The following SUCLG2 variants were observed in gnomAD, a reference collection of about 807,000 sequenced individuals.
The protein encoded by SUCLG2 is succinate--CoA ligase [GDP-forming] subunit beta, mitochondrial.
In SUCLG2, 42 loss-of-function variants were observed where a neutral mutation model predicts 47.9. The observed-to-expected ratio is 0.88, with a 90% CI of 0.69 to 1.14. SUCLG2 has a LOEUF of 1.14. Among genes scored for constraint, SUCLG2 ranks in the 50% most tolerant of loss-of-function variants. The probability of loss-of-function intolerance (pLI) is 0.00; values close to 1 mark genes in which losing one functional copy is unlikely to be tolerated. For missense variants in SUCLG2, 571 were observed against 525.9 expected (o/e 1.09, Z -0.84); for synonymous variants, 195 against 197.3 (o/e 0.99, Z 0.10).
At chr3:67,556,701 A>C (rs1329402948) in intron 2 of SUCLG2, among the ~76,000 whole-genome samples, 3 of 152,054 alleles carry the variant, frequency 2.0e-5, no homozygotes, top group Non-Finnish European at 4.4e-5. Flanking sequence ...CTATAACACC[A>C]TTATCTCCTT....
intron 9 of SUCLG2, among the ~76,000 whole-genome samples, chr3:67,466,558 T>C (rs991260885): frequency 1.3e-5 from 2 of 152,208 alleles, no homozygotes; most frequent in African/African-American, 4.8e-5. Flanking sequence ...TGAGGGAAGC[T>C]TAATCTGATG....
intron 10 of SUCLG2, among the ~76,000 whole-genome samples, chr3:67,392,319 G>C (rs956773992): frequency 1.3e-5 from 2 of 152,096 alleles, no homozygotes; most frequent in Non-Finnish European, 2.9e-5. Context: ...TTCATCATCA[G>C]CTTAAACCCA....
intron 2 of SUCLG2, among the ~76,000 whole-genome samples, chr3:67,587,225 T>C (rs1474887591): frequency 6.6e-6 from 1 of 152,198 alleles, no homozygotes; most frequent in Non-Finnish European, 1.5e-5. Flanking sequence ...GACACTCGGC[T>C]CTGTTTGCCT....
intron 9 of SUCLG2, among the ~76,000 whole-genome samples, chr3:67,432,180 A>G (rs1703501073): frequency 6.6e-6 from 1 of 152,220 alleles, no homozygotes; most frequent in Non-Finnish European, 1.5e-5. Context: ...GGCAGATGAC[A>G]ACCAGCATCT....
At chr3:67,585,255 GC>G (rs772376012) in intron 2 of SUCLG2, among the ~76,000 whole-genome samples, 1 of 152,026 alleles carries the variant, frequency 6.6e-6, no homozygotes, top group Non-Finnish European at 1.5e-5. Flanking sequence ...GAACATTCCT[GC>G]CTCAGGAACT....
intron 1 of SUCLG2, among the ~76,000 whole-genome samples, chr3:67,627,338 T>C (rs1032052828): frequency 2.6e-5 from 4 of 152,202 alleles, no homozygotes; most frequent in African/African-American, 9.7e-5. Flanking sequence ...CAACTAACCA[T>C]ACACCATATA....
rs558592908 is a variant in SUCLG2 at position 67,428,987 on chromosome 3, A to G, written c.1063-28136T>C. Among the ~76,000 whole-genome samples the G allele has an allele frequency of 9.0e-3, 1,375 of 152,334 alleles. 11 individuals are homozygous for G. Among genetic ancestry groups the G allele is most frequent in the Non-Finnish European group, 0.015 (1,003 of 68,022 alleles). On this transcript the variant is annotated intron_variant, in intron 9 of 10. Coordinates refer to ENST00000307227, the MANE Select transcript of SUCLG2 (RefSeq NM_003848.4). ...AATCTATGTCTGATTGGTGTACCTGAAAGTGACAGGGAGAATGGAACCAAG... is the reference window on the plus strand; with the variant it reads ...AATCTATGTCTGATTGGTGTACCTGGAAGTGACAGGGAGAATGGAACCAAG...
At chr3:67,507,792 T>G (rs775650668) in intron 7 of SUCLG2, among the ~76,000 whole-genome samples, 4 of 152,228 alleles carry the variant, frequency 2.6e-5, no homozygotes, top group Non-Finnish European at 5.9e-5. Flanking sequence ...TACTATTTAC[T>G]GACTGTAACA....
intron 1 of SUCLG2, among the ~76,000 whole-genome samples, chr3:67,636,423 G>T (rs754532755): frequency 6.6e-6 from 1 of 151,672 alleles, no homozygotes; most frequent in Non-Finnish European, 1.5e-5. Context: ...CAGGATCTCG[G>T]CTCACTGCAA....
At position 67,501,150 on chromosome 3, in the gene SUCLG2, T is replaced by C. The variant is rs116126410; in HGVS notation, c.758-2855A>G. On this transcript the variant is annotated intron_variant, in intron 7 of 10. Coordinates refer to ENST00000307227, the MANE Select transcript of SUCLG2 (RefSeq NM_003848.4). ...TTGTAGAGAAAACTAAACAACCTAA[T>C]TGGATCATTGCATGTATGTCTAAGT... 2.6e-3 allele frequency among the ~76,000 whole-genome samples: 394 copies of C among 152,256 alleles called. 1 individual carries two copies. The highest frequency in any genetic ancestry group is 3.7e-3 in the Non-Finnish European group (255 of 68,020).
chr3:67,463,236 A>C (rs1371621329), intron 9 of SUCLG2, among the ~76,000 whole-genome samples: 3 of 152,214 alleles, frequency 2.0e-5, no homozygotes, highest in Admixed American at 1.3e-4. Context: ...ACAGAAATAC[A>C]CTGACACAGA....
At chr3:67,364,034 G>T (rs755967213) in intron 10 of SUCLG2, among the ~76,000 whole-genome samples, 3 of 152,178 alleles carry the variant, frequency 2.0e-5, no homozygotes, top group Non-Finnish European at 2.9e-5. Context: ...ACAAAAGCCT[G>T]TTGTCTGTAG....
intron 2 of SUCLG2, among the ~76,000 whole-genome samples, chr3:67,596,036 G>A (rs1284869943): frequency 1.3e-5 from 2 of 152,214 alleles, no homozygotes; most frequent in Non-Finnish European, 2.9e-5. Flanking sequence ...TTGGCATTCT[G>A]GTGTATACAT....
intron 9 of SUCLG2, among the ~76,000 whole-genome samples, chr3:67,414,332 T>G (rs1007413544): frequency 1.3e-5 from 2 of 152,254 alleles, no homozygotes; most frequent in African/African-American, 4.8e-5. Flanking sequence ...AGTTTCATGT[T>G]ACAGTTCCAA....
chr3:67,408,280 A>G (rs1385749751), intron 9 of SUCLG2, among the ~76,000 whole-genome samples: 1 of 152,170 alleles, frequency 6.6e-6, no homozygotes, highest in East Asian at 1.9e-4. Context: ...CTGACATGTG[A>G]AAAACAGCAT....
At chr3:67,373,883 C>T (rs544898552), downstream of SUCLG2, among the ~76,000 whole-genome samples, 3 of 152,080 alleles carry the variant, frequency 2.0e-5, no homozygotes, top group Admixed American at 2.0e-4. Context: ...AGACAAGCTA[C>T]GCTAAGGATG....
At chr3:67,464,349 C>T (rs7640284) in intron 9 of SUCLG2, among the ~76,000 whole-genome samples, 21,667 of 152,174 alleles carry the variant, frequency 0.14, 2,022 homozygotes, top group African/African-American at 0.26. Context: ...ATTTTACAAG[C>T]GTGTGTATGC....
chr3:67,636,004 T>TC (rs1289235890), intron 1 of SUCLG2, among the ~76,000 whole-genome samples: 1 of 152,200 alleles, frequency 6.6e-6, no homozygotes, highest in Non-Finnish European at 1.5e-5. Context: ...ATAGGATCTG[T>TC]CAATGACACA....
intron 1 of SUCLG2, among the ~76,000 whole-genome samples, chr3:67,620,371 G>A (rs1406081558): frequency 6.6e-6 from 1 of 152,072 alleles, no homozygotes; most frequent in Non-Finnish European, 1.5e-5. Flanking sequence ...GATCACCTGA[G>A]GTCAGGAGTT....
Sources: gnomAD v4.1 joint callset for allele counts (sites outside exome capture counted in the v4.1 genomes callset) on GRCh38, gnomAD v4.1.1 for gene constraint, MANE v1.5 for transcripts, NCBI Gene and HGNC (gene_info 2026-07-23, HGNC 2026-07-21) for gene names.